The following CRIM1 variants were observed in gnomAD, a reference collection of about 807,000 sequenced individuals.
CRIM1 encodes the protein cysteine rich transmembrane BMP regulator 1, also known as cysteine-rich motor neuron 1 protein.
Under a neutral mutation model 116.4 loss-of-function variants are expected in CRIM1, and 32 were observed. That is an observed-to-expected ratio of 0.27 (90% CI 0.21 to 0.37). The LOEUF (loss-of-function observed/expected upper bound fraction) is 0.37, where lower values mean the gene tolerates loss of function less well. Ranked by LOEUF, CRIM1 falls within the 10% of genes least tolerant of loss-of-function variation. The pLI is 1.00. For synonymous variants in CRIM1, 590 were observed against 509.2 expected, an observed-to-expected ratio of 1.16 and a Z score of -2.13; for missense variants, 1,331 against 1,354.8, an observed-to-expected ratio of 0.98 and a Z score of 0.28.
At chr2:36,363,311 G>A (rs1669352906) in intron 1 of CRIM1, among the ~76,000 whole-genome samples, 1 of 151,988 alleles carries the variant, frequency 6.6e-6, no homozygotes, top group South Asian at 2.1e-4. Context: ...GTTGCTATAA[G>A]GACTCAGTGC....
intron 12 of CRIM1, among the ~76,000 whole-genome samples, chr2:36,521,254 A>G (rs1363209790): frequency 6.6e-6 from 1 of 152,166 alleles, no homozygotes; most frequent in African/African-American, 2.4e-5. Context: ...TTAGATAGCA[A>G]AGACACAGAT....
chr2:36,526,077 C>G (rs1418598945), intron 13 of CRIM1, among the ~76,000 whole-genome samples: 1 of 152,080 alleles, frequency 6.6e-6, no homozygotes, highest in African/African-American at 2.4e-5. Context: ...ACAGCTTTGT[C>G]TAGTTTCTTA....
In CRIM1 at chr2:36,502,514, GCCTT is replaced by G. The variant is rs560406577; in HGVS notation, c.1501+3180_1501+3183del. On this transcript the variant is annotated intron_variant, in intron 8 of 16. Coordinates refer to ENST00000280527, the MANE Select transcript of CRIM1 (RefSeq NM_016441.3). The stretch of plus-strand genomic sequence containing the variant: ...TTGTACCCATTTATACAGATAGCTG[GCCTT>G]CCTTCCTTCCTTTTTTCACCTAATA... 1.1e-3 allele frequency among the ~76,000 whole-genome samples: 170 copies of G among 152,130 alleles called. 1 individual carries two copies. Among genetic ancestry groups the G allele is most frequent in the Middle Eastern group, 6.8e-3 (2 of 294 alleles).
chr2:36,419,000 C>T (rs921095347), intron 2 of CRIM1, among the ~76,000 whole-genome samples: 1 of 152,210 alleles, frequency 6.6e-6, no homozygotes, highest in African/African-American at 2.4e-5. Flanking sequence ...CCCACTTCTC[C>T]TTCCTCTCTC....
At chr2:36,520,674 G>A (rs770920131) in intron 12 of CRIM1, among the ~76,000 whole-genome samples, 1 of 152,170 alleles carries the variant, frequency 6.6e-6, no homozygotes, top group Non-Finnish European at 1.5e-5. Context: ...GAGGGTATGG[G>A]CCAATCCCAT....
intron 7 of CRIM1, among the ~76,000 whole-genome samples, chr2:36,495,307 G>C (rs566564014): frequency 6.6e-6 from 1 of 152,040 alleles, no homozygotes; most frequent in East Asian, 1.9e-4. Flanking sequence ...ACCAAAATCC[G>C]ACAGGCAATT....
chr2:36,484,340 T>G (rs1459113727), intron 7 of CRIM1, among the ~76,000 whole-genome samples: 1 of 152,248 alleles, frequency 6.6e-6, no homozygotes, highest in Non-Finnish European at 1.5e-5. Context: ...GCTGATTTTT[T>G]TTTTCAATAA....
At chr2:36,423,244 A>C (rs1419564315) in intron 2 of CRIM1, among the ~76,000 whole-genome samples, 1 of 152,196 alleles carries the variant, frequency 6.6e-6, no homozygotes, top group African/African-American at 2.4e-5. Context: ...TATACTGGGG[A>C]TCCTAAGCTA....
At chr2:36,476,858 A>G (rs775365449) in intron 5 of CRIM1, 31 bp from the exon 6 acceptor site, 5 of 1,570,860 alleles carry the variant, frequency 3.2e-6, no homozygotes, top group Non-Finnish European at 4.3e-6. Flanking sequence ...AATGACTACA[A>G]ATATGCCTTG....
At chr2:36,423,719 T>A (rs530706533) in intron 2 of CRIM1, among the ~76,000 whole-genome samples, 10 of 152,320 alleles carry the variant, frequency 6.6e-5, no homozygotes, top group African/African-American at 1.9e-4. Context: ...GTTCCATGAT[T>A]TATAAAAAGA....
intron 5 of CRIM1, among the ~76,000 whole-genome samples, chr2:36,466,259 G>A (rs1215574293): frequency 6.6e-6 from 1 of 152,088 alleles, no homozygotes; most frequent in African/African-American, 2.4e-5. Flanking sequence ...GGGGGATAGA[G>A]ATGGTAAGGT....
intron 13 of CRIM1, among the ~76,000 whole-genome samples, chr2:36,536,058 G>C (rs1666528839): frequency 6.6e-6 from 1 of 152,226 alleles, no homozygotes; most frequent in South Asian, 2.1e-4. Context: ...AGAGACCACA[G>C]ATCGGTGAGC....
intron 8 of CRIM1, among the ~76,000 whole-genome samples, chr2:36,499,608 T>C (rs1572875690): frequency 6.6e-6 from 1 of 152,122 alleles, no homozygotes; most frequent in Non-Finnish European, 1.5e-5. Context: ...TTGGAGTGCA[T>C]CCTTCCAGCC....
chr2:36,452,286 A>G (rs1676793176), intron 4 of CRIM1, among the ~76,000 whole-genome samples: 1 of 152,186 alleles, frequency 6.6e-6, no homozygotes, highest in Non-Finnish European at 1.5e-5. Flanking sequence ...CAGATTTAAA[A>G]CATTCCTGAC....
chr2:36,392,549 G>A (rs1203852625), intron 1 of CRIM1, among the ~76,000 whole-genome samples: 1 of 152,144 alleles, frequency 6.6e-6, no homozygotes, highest in Non-Finnish European at 1.5e-5. Flanking sequence ...CTTAGGAAAA[G>A]AGAGATTTTA....
intron 7 of CRIM1, among the ~76,000 whole-genome samples, chr2:36,495,057 G>A (rs1386591431): frequency 2.0e-5 from 3 of 152,064 alleles, no homozygotes; most frequent in Middle Eastern, 3.2e-3. Flanking sequence ...CTAGTTTAAC[G>A]GGGGACAGTT....
intron 1 of CRIM1, among the ~76,000 whole-genome samples, chr2:36,360,056 A>ACCTT (rs1669119004): frequency 2.0e-5 from 3 of 152,238 alleles, no homozygotes; most frequent in Admixed American, 6.5e-5. Context: ...AGAGTTTAGA[A>ACCTT]AAATTAATGA....
At chr2:36,533,045 C>T (rs1455737198) in intron 13 of CRIM1, among the ~76,000 whole-genome samples, 2 of 152,110 alleles carry the variant, frequency 1.3e-5, no homozygotes, top group African/African-American at 4.8e-5. Context: ...TTGGATATTC[C>T]CAGTCTTTAT....
At chr2:36,449,162 T>G (rs893476405) in intron 4 of CRIM1, among the ~76,000 whole-genome samples, 1 of 152,140 alleles carries the variant, frequency 6.6e-6, no homozygotes, top group Non-Finnish European at 1.5e-5. Context: ...CACATGAAAT[T>G]CTAAGTACAA....
Sources: allele counts gnomAD v4.1 joint callset (sites outside exome capture counted in the v4.1 genomes callset), GRCh38; gene constraint gnomAD v4.1.1; transcripts MANE v1.5; gene names NCBI Gene and HGNC (gene_info 2026-07-23, HGNC 2026-07-21).